The following ZNF626 variants were observed in gnomAD, a reference collection of about 807,000 sequenced individuals.
ZNF626 encodes zinc finger protein 626.
In ZNF626, 4 loss-of-function variants were observed where a neutral mutation model predicts 11.7. The observed-to-expected ratio is 0.34, with a 90% CI of 0.17 to 0.78. The LOEUF (loss-of-function observed/expected upper bound fraction) is 0.78, where lower values mean the gene tolerates loss of function less well. Among genes scored for constraint, ZNF626 ranks in the 30% least tolerant of loss-of-function variants. ZNF626 has a pLI of 0.57. For synonymous variants in ZNF626, 179 were observed against 198.6 expected (o/e 0.90, Z 0.83); for missense variants, 588 against 587.1 (o/e 1.00, Z -0.01).
intron 2 of ZNF626, 46 bp downstream of exon 2, chr19:20,646,233 A>G (rs1970075495): frequency 4.0e-6 from 6 of 1,500,134 alleles, no homozygotes; most frequent in Non-Finnish European, 5.3e-6. Flanking sequence ...CAAAAAATAA[A>G]TAAATAAAAT....
At chr19:20,656,020 A>G (rs1970201384) in intron 1 of ZNF626, among the ~76,000 whole-genome samples, 1 of 152,166 alleles carries the variant, frequency 6.6e-6, no homozygotes, top group Admixed American at 6.5e-5. Flanking sequence ...TGAAATTAGC[A>G]CACTGTATGC....
At chr19:20,661,351 G>A in intron 1 of ZNF626, 93 bp downstream of exon 1, 3 of 1,521,846 alleles carry the variant, frequency 2.0e-6, no homozygotes, top group East Asian at 2.3e-5. Context: ...CTGTGGAGCT[G>A]ACTGCGGGGA....
intron 3 of ZNF626, among the ~76,000 whole-genome samples, chr19:20,628,078 T>C (rs1484373191): frequency 3.3e-5 from 5 of 152,130 alleles, no homozygotes; most frequent in Admixed American, 3.3e-4. Flanking sequence ...TGGTTTCCAG[T>C]TTCATCCATG....
Position 20,646,376 on chromosome 19 carries a change from T to A in ZNF626, c.33A>T (p.Ile11=), listed in dbSNP as rs782746329. Reference sequence around the variant, plus strand: ...AATGCCACTCCTCCAGAGAGAATTCTATGGCCACATCTCTAAATTGCAATG... The same window carrying A: ...AATGCCACTCCTCCAGAGAGAATTCAATGGCCACATCTCTAAATTGCAATG... MGPLQFRDVA[I]EFSLEEWHCL... Residue 11 remains isoleucine (I), a synonymous_variant, in exon 2 of 4, where the codon ATA becomes ATT. Transcript: ENST00000601440. 1 of 1,614,122 alleles carries A rather than the reference T, an allele frequency of 6.2e-7. No individual in the cohort carries two copies. Among genetic ancestry groups the A allele is most frequent in the Non-Finnish European group, 8.5e-7 (1 of 1,179,986 alleles).
chr19:20,653,656 AAAG>A (rs1970172660), intron 1 of ZNF626, among the ~76,000 whole-genome samples: 1 of 93,070 alleles, frequency 1.1e-5, no homozygotes, highest in African/African-American at 1.1e-4. Context: ...AAAAAAAGAA[AAAG>A]AAAAAAAGAA....
intron 3 of ZNF626, among the ~76,000 whole-genome samples, chr19:20,640,231 AATTAAATTATTAATTTTAATT>A (rs1193333602): frequency 1.7e-3 from 82 of 48,666 alleles, no homozygotes; most frequent in African/African-American, 0.012. Context: ...TTATTTAAAT[AATTAAATTATTAATTTTAATT>A]ATTAAAATTA....
intron 1 of ZNF626, among the ~76,000 whole-genome samples, chr19:20,659,947 C>T (rs1248735559): frequency 6.6e-6 from 1 of 151,886 alleles, no homozygotes; most frequent in Non-Finnish European, 1.5e-5. Flanking sequence ...AAGGGAGACT[C>T]CCCAGAAAAA....
intron 3 of ZNF626, among the ~76,000 whole-genome samples, chr19:20,639,641 G>A (rs1599480139): frequency 1.3e-5 from 2 of 152,158 alleles, no homozygotes; most frequent in Admixed American, 1.3e-4. Context: ...GAAAACTGAG[G>A]TAAAAGGATC....
Position 20,624,703 on chromosome 19 carries a change from T to C in ZNF626, c.1174A>G (p.Thr392Ala). Residue 392 changes from threonine (T) to alanine (A), a missense_variant, in exon 4 of 4, where the codon ACT (threonine) becomes GCT (alanine). This residue lies in a region of ZNF626 where 524 missense variants were observed against 470.1 expected (regional missense o/e 1.11). Coordinates refer to ENST00000601440, the MANE Select transcript of ZNF626 (RefSeq NM_001076675.3). ...TCACATTTGTAGGGTTTCTCTCCAG[T>C]ATGAATTATCTTATGCGTAGTAAGG... ...SDLTTHKIIH[T>A]GEKPYKCEEC... The C allele has an allele frequency of 5.6e-6, 9 of 1,610,140 alleles. No homozygotes were observed. Among genetic ancestry groups the C allele is most frequent in the Non-Finnish European group, 7.6e-6 (9 of 1,178,216 alleles).
intron 1 of ZNF626, among the ~76,000 whole-genome samples, chr19:20,649,574 G>A (rs1304117316): frequency 5.3e-5 from 8 of 152,140 alleles, no homozygotes; most frequent in Admixed American, 5.2e-4. Context: ...CTCCATGGAT[G>A]CTTCCACCCA....
rs7251003 is a variant in ZNF626, at chr19:20,620,876, G to C, written c.*3414C>G. 82,478 of 148,730 alleles carry C rather than the reference G, an allele frequency of 0.55. 24,850 individuals carry two copies. Among genetic ancestry groups the C allele is most frequent in the East Asian group, 0.74 (3,669 of 4,978 alleles). The allele number at this position is 148,730 out of a possible 1,614,324, so 9.2% of individuals were successfully genotyped here. On this transcript the variant is annotated 3_prime_UTR_variant, in exon 4 of 4. Transcript: ENST00000601440. The stretch of plus-strand genomic sequence containing the variant: ...TTTTTTTGTGACGGAGTCTTGCTCT[G>C]TTGCCCAGGCTGGAGTGCAGTGGCA...
intron 3 of ZNF626, 76 bp downstream of exon 3, chr19:20,645,608 T>TCTCA: frequency 1.3e-6 from 2 of 1,508,198 alleles, no homozygotes; most frequent in South Asian, 2.5e-5. Flanking sequence ...AATCACACTT[T>TCTCA]AAGGACTGGC....
intron 1 of ZNF626, among the ~76,000 whole-genome samples, chr19:20,653,394 G>A (rs1269596192): frequency 6.6e-6 from 1 of 152,284 alleles, no homozygotes; most frequent in East Asian, 1.9e-4. Flanking sequence ...TAGTTCACAA[G>A]TAGAAGAATT....
chr19:20,637,206 C>T (rs992111206), intron 3 of ZNF626, among the ~76,000 whole-genome samples: 7 of 151,864 alleles, frequency 4.6e-5, no homozygotes, highest in Admixed American at 1.3e-4. Flanking sequence ...GTGCATAAAT[C>T]GGCTGGGCGC....
chr19:20,625,937 T>G (rs1390333604), intron 3 of ZNF626, among the ~76,000 whole-genome samples: 2 of 152,110 alleles, frequency 1.3e-5, no homozygotes, highest in African/African-American at 4.8e-5. Flanking sequence ...ACACAGCTGG[T>G]TTTGCTCTCC....
Position 20,625,371 on chromosome 19 carries a change from C to G in ZNF626, c.506G>C (p.Gly169Ala), listed in dbSNP as rs781897532. 1.4e-5 allele frequency: 22 copies of G among 1,613,832 alleles called. No individual in the cohort carries two copies. The East Asian group carries it at 4.9e-4, about 36-fold the overall frequency. ...TTCTATATATTTGAAAGGTTTTTTC[C>G]CAGTATGTCCTCTCTTTTGTCCGTT... ...NSNGQKRGHT[G>A]KKPFKYIECG... The change falls in exon 4 of 4, where the codon GGG (glycine) becomes GCG (alanine). Residue 169 changes from glycine (G) to alanine (A), a missense_variant. Coordinates refer to ENST00000601440, the MANE Select transcript of ZNF626 (RefSeq NM_001076675.3).
At chr19:20,637,175 T>C (rs1969975517) in intron 3 of ZNF626, among the ~76,000 whole-genome samples, 1 of 152,024 alleles carries the variant, frequency 6.6e-6, no homozygotes, top group Admixed American at 6.6e-5. Context: ...TTTTATAGAA[T>C]ATAAAAAACA....
chr19:20,626,413 A>T (rs782817425), intron 3 of ZNF626, among the ~76,000 whole-genome samples: 9 of 152,246 alleles, frequency 5.9e-5, no homozygotes, highest in Non-Finnish European at 1.3e-4. Context: ...GAGGTAATTT[A>T]AAAAATTCCC....
At chr19:20,660,876 G>A (rs28536599) in intron 1 of ZNF626, among the ~76,000 whole-genome samples, 15,451 of 152,164 alleles carry the variant, frequency 0.1, 2,212 homozygotes, top group African/African-American at 0.32. Flanking sequence ...AGGAAAAGGG[G>A]GTAGAAGAAG....
Sources: gnomAD v4.1 joint callset for allele counts (sites outside exome capture counted in the v4.1 genomes callset) on GRCh38, gnomAD v4.1.1 for gene constraint, gnomAD v4.1.1 regional missense constraint, MANE v1.5 for transcripts, NCBI Gene and HGNC (gene_info 2026-07-23, HGNC 2026-07-21) for gene names.